ZNF385B: variants seen among roughly 807,000 people sequenced by gnomAD.
The protein encoded by ZNF385B is zinc finger protein 385B.
ZNF385B carries 23 observed loss-of-function variants against 39.2 expected under a neutral mutation model. The ratio of observed to expected loss-of-function variants is 0.59; its 90% CI spans 0.42 to 0.83. The LOEUF is 0.83. Ranked by LOEUF, ZNF385B falls within the 40% of genes least tolerant of loss-of-function variation. ZNF385B has a pLI of 0.00. For missense variants in ZNF385B, 552 were observed against 598.9 expected (o/e 0.92, Z 0.82); for synonymous variants, 205 against 222.6 (o/e 0.92, Z 0.70).
chr2:179,703,407 T>C (rs1383742447), intron 3 of ZNF385B, among the ~76,000 whole-genome samples: 1 of 151,516 alleles, frequency 6.6e-6, no homozygotes, highest in Non-Finnish European at 1.5e-5. Context: ...CAAAACCCTC[T>C]TCCTTAATTT....
At chr2:179,702,695 G>C (rs1699299006) in intron 3 of ZNF385B, among the ~76,000 whole-genome samples, 1 of 152,078 alleles carries the variant, frequency 6.6e-6, no homozygotes, top group South Asian at 2.1e-4. Context: ...AAAAACAAAA[G>C]TATTCAAAAA....
At chr2:179,503,624 T>C (rs2056960924) in intron 5 of ZNF385B, among the ~76,000 whole-genome samples, 1 of 152,222 alleles carries the variant, frequency 6.6e-6, no homozygotes, top group Non-Finnish European at 1.5e-5. Context: ...TCTATAACTA[T>C]CTGTGTAAAT....
In ZNF385B at chr2:179,443,469, C is replaced by A; in HGVS notation, c.1243-1G>T. The A allele has an allele frequency of 6.3e-7, 1 of 1,588,570 alleles. No homozygotes were observed. The highest frequency in any genetic ancestry group is 1.1e-5 in the South Asian group (1 of 87,502). On this transcript the variant is annotated splice_acceptor_variant, in intron 9 of 9. Coordinates refer to ENST00000410066, the MANE Select transcript of ZNF385B (RefSeq NM_152520.6). LOFTEE classifies it high-confidence loss of function. ...TATCTTTCTGGAATGCAAGTTTTGCCTAAGGGAGGGAGAAAACCAGGAATG... is the reference window on the plus strand; with the variant it reads ...TATCTTTCTGGAATGCAAGTTTTGCATAAGGGAGGGAGAAAACCAGGAATG...
intron 1 of ZNF385B, among the ~76,000 whole-genome samples, chr2:179,840,431 A>G (rs919115854): frequency 2.0e-5 from 3 of 152,206 alleles, no homozygotes; most frequent in African/African-American, 4.8e-5. Flanking sequence ...CGTCATGATT[A>G]TGTCTTTGTT....
chr2:179,710,840 C>G (rs1699947698), intron 3 of ZNF385B, among the ~76,000 whole-genome samples: 1 of 152,234 alleles, frequency 6.6e-6, no homozygotes, highest in African/African-American at 2.4e-5. Flanking sequence ...TCTCTTCCAT[C>G]ACAGGCCTGC....
intron 1 of ZNF385B, among the ~76,000 whole-genome samples, chr2:179,783,321 A>G (rs1234510382): frequency 1.3e-5 from 2 of 152,186 alleles, no homozygotes; most frequent in Admixed American, 6.5e-5. Flanking sequence ...TACCATCAAC[A>G]AAAATCAACC....
intron 9 of ZNF385B, among the ~76,000 whole-genome samples, chr2:179,443,791 A>G (rs536055195): frequency 3.3e-5 from 5 of 152,310 alleles, no homozygotes; most frequent in Admixed American, 6.5e-5. Flanking sequence ...ATGAAGTTCA[A>G]TGCAAAATTC....
At chr2:179,690,645 A>G (rs1191076329) in intron 3 of ZNF385B, among the ~76,000 whole-genome samples, 5 of 152,216 alleles carry the variant, frequency 3.3e-5, no homozygotes, top group South Asian at 2.1e-4. Flanking sequence ...GTGTTGTAGC[A>G]TAGAAAGAAA....
intron 1 of ZNF385B, among the ~76,000 whole-genome samples, chr2:179,795,953 T>C (rs1004339943): frequency 6.6e-6 from 1 of 152,176 alleles, no homozygotes. Context: ...AAAAATAGAC[T>C]ACTATAGACT....
At chr2:179,741,378 G>A (rs1234320946) in intron 3 of ZNF385B, among the ~76,000 whole-genome samples, 1 of 152,038 alleles carries the variant, frequency 6.6e-6, no homozygotes, top group Non-Finnish European at 1.5e-5. Flanking sequence ...TAACAAAAAG[G>A]AGGAGGGGAA....
At position 179,646,837 on chromosome 2, in the gene ZNF385B, G is replaced by T. The variant is rs563002495; in HGVS notation, c.299-101868C>A. On this transcript the variant is annotated intron_variant, in intron 3 of 9. Coordinates refer to ENST00000410066, the MANE Select transcript of ZNF385B (RefSeq NM_152520.6). ...AAATGGCAAGAGTGTCCTACTCTGGGGAAAATTTTCTGTGATCTATTGCAT... is the reference window on the plus strand; with the variant it reads ...AAATGGCAAGAGTGTCCTACTCTGGTGAAAATTTTCTGTGATCTATTGCAT... Among the ~76,000 whole-genome samples the T allele has an allele frequency of 2.6e-5, 4 of 152,204 alleles. No individual in the cohort carries two copies. The South Asian group carries it at 8.3e-4, about 32-fold the overall frequency.
At chr2:179,577,225 A>G (rs1210258324) in intron 3 of ZNF385B, among the ~76,000 whole-genome samples, 1 of 152,122 alleles carries the variant, frequency 6.6e-6, no homozygotes, top group Non-Finnish European at 1.5e-5. Context: ...GACTAAAGGG[A>G]TCTTATTTTT....
chr2:179,749,386 T>C (rs1325713662), intron 3 of ZNF385B, among the ~76,000 whole-genome samples: 1 of 151,792 alleles, frequency 6.6e-6, no homozygotes, highest in Non-Finnish European at 1.5e-5. Context: ...TCCTCCAAAC[T>C]CCATGTAATC....
intron 1 of ZNF385B, among the ~76,000 whole-genome samples, chr2:179,822,577 G>A (rs1575555663): frequency 6.6e-6 from 1 of 152,134 alleles, no homozygotes; most frequent in Non-Finnish European, 1.5e-5. Flanking sequence ...TTTGCACTGT[G>A]AATGTCATCT....
At chr2:179,745,350 A>G (rs1408132391) in intron 3 of ZNF385B, among the ~76,000 whole-genome samples, 2 of 152,146 alleles carry the variant, frequency 1.3e-5, no homozygotes, top group African/African-American at 2.4e-5. Flanking sequence ...AGCCTTTTTA[A>G]TAACATCTGA....
At chr2:179,549,558 C>G (rs1368686068) in intron 3 of ZNF385B, among the ~76,000 whole-genome samples, 1 of 149,522 alleles carries the variant, frequency 6.7e-6, no homozygotes, top group Non-Finnish European at 1.5e-5. Context: ...AGATAATGCT[C>G]CAACTATTAA....
chr2:179,582,091 TA>T (rs1686596302), intron 3 of ZNF385B, among the ~76,000 whole-genome samples: 1 of 152,212 alleles, frequency 6.6e-6, no homozygotes, highest in African/African-American at 2.4e-5. Flanking sequence ...AGAGAGATTT[TA>T]AAACTTCCTC....
intron 3 of ZNF385B, among the ~76,000 whole-genome samples, chr2:179,613,722 G>T (rs1689484912): frequency 6.6e-6 from 1 of 152,116 alleles, no homozygotes; most frequent in Non-Finnish European, 1.5e-5. Flanking sequence ...TCTGTGATTG[G>T]GGGAGGGGTA....
chr2:179,473,668 C>T (rs1421572724), intron 6 of ZNF385B, among the ~76,000 whole-genome samples: 2 of 152,104 alleles, frequency 1.3e-5, no homozygotes, highest in East Asian at 1.9e-4. Context: ...TGTCATCCCC[C>T]CCCATTGCCC....
Sources: gnomAD v4.1 joint callset for allele counts (sites outside exome capture counted in the v4.1 genomes callset) on GRCh38, gnomAD v4.1.1 for gene constraint, MANE v1.5 for transcripts, NCBI Gene and HGNC (gene_info 2026-07-23, HGNC 2026-07-21) for gene names.